The following LRCH2 variants were observed in gnomAD, a reference collection of about 807,000 sequenced individuals.
LRCH2 encodes the protein leucine rich repeats and calponin homology domain containing 2.
A neutral mutation model predicts 68.9 loss-of-function variants in LRCH2; 38 were observed. That is an observed-to-expected ratio of 0.55 (90% CI 0.43 to 0.72). The LOEUF is 0.72. Ranked by LOEUF, LRCH2 falls within the 30% of genes least tolerant of loss-of-function variation. LRCH2 has a pLI of 0.00. For synonymous variants in LRCH2, 191 were observed against 208.1 expected (o/e 0.92, Z 0.71); for missense variants, 528 against 572.9 (o/e 0.92, Z 0.80).
intron 1 of LRCH2, among the ~76,000 whole-genome samples, chrX:115,204,148 G>T (rs1263703180): frequency 2.7e-5 from 3 of 113,186 alleles, no homozygotes; most frequent in Non-Finnish European, 5.6e-5. Context: ...ATTATGAGCT[G>T]TGCCTTGGCC....
At chrX:115,226,596 C>T (rs2073120818) in intron 1 of LRCH2, among the ~76,000 whole-genome samples, 1 of 110,999 alleles carries the variant, frequency 9.0e-6, no homozygotes, top group Admixed American at 9.6e-5. Flanking sequence ...TGAACAATGA[C>T]ATTGAGAATA....
intron 17 of LRCH2, 128 bp downstream of exon 17, chrX:115,123,817 G>A (rs1262122188): frequency 6.8e-5 from 25 of 365,926 alleles, no homozygotes; most frequent in African/African-American, 5.2e-4. Flanking sequence ...ATATCGTTAA[G>A]AGAAAATTGC....
chrX:115,145,866 G>C (rs1464448405), intron 14 of LRCH2, among the ~76,000 whole-genome samples: 2 of 111,825 alleles, frequency 1.8e-5, no homozygotes, highest in Admixed American at 9.5e-5. Context: ...GAACAATATG[G>C]AGAACAGTTT....
chrX:115,229,585 A>G (rs1478258383), intron 1 of LRCH2, among the ~76,000 whole-genome samples: 2 of 112,430 alleles, frequency 1.8e-5, no homozygotes, highest in Admixed American at 1.9e-4. Flanking sequence ...ATAAATCAGT[A>G]CAAGGTTCAG....
chrX:115,147,588 ATAAC>A (rs1303229477), intron 14 of LRCH2, among the ~76,000 whole-genome samples: 1 of 111,540 alleles, frequency 9.0e-6, no homozygotes, highest in African/African-American at 3.2e-5. Context: ...ACTTTATAAC[ATAAC>A]TAATATTATA....
At chrX:115,230,963 AC>A (rs1556578245) in intron 1 of LRCH2, among the ~76,000 whole-genome samples, 1 of 110,890 alleles carries the variant, frequency 9.0e-6, no homozygotes, top group African/African-American at 3.3e-5. Context: ...GAAAAAACAA[AC>A]AAAAAATCTC....
chrX:115,166,486 T>A, intron 6 of LRCH2, 144 bp from the exon 7 acceptor site: 2 of 429,213 alleles, frequency 4.7e-6, no homozygotes, highest in South Asian at 4.0e-5. Flanking sequence ...GAGAAAAATA[T>A]CAGAACTCTT....
intron 14 of LRCH2, among the ~76,000 whole-genome samples, chrX:115,143,931 T>C (rs5987857): frequency 0.1 from 11,602 of 111,097 alleles, 459 homozygotes; most frequent in African/African-American, 0.12. Flanking sequence ...AATCCAACAT[T>C]CCTTCATGAT....
intron 20 of LRCH2, among the ~76,000 whole-genome samples, chrX:115,120,432 A>C (rs1158642306): frequency 5.7e-5 from 5 of 87,342 alleles, no homozygotes; most frequent in East Asian, 3.6e-4. Flanking sequence ...GTTCATCATC[A>C]CTGGCCATCA....
At chrX:115,125,576 CACACACATATATAT>C (rs2072187798) in intron 16 of LRCH2, among the ~76,000 whole-genome samples, 1 of 22,957 alleles carries the variant, frequency 4.4e-5, no homozygotes, top group African/African-American at 2.2e-4. Flanking sequence ...TATATATACA[CACACACATATATAT>C]ATACACATAT....
At chrX:115,129,568 A>G (rs1556529174) in intron 15 of LRCH2, among the ~76,000 whole-genome samples, 1 of 110,958 alleles carries the variant, frequency 9.0e-6, no homozygotes, top group Non-Finnish European at 1.9e-5. Context: ...GTGTGATTCT[A>G]TTTCCTAAAA....
chrX:115,196,617 T>C (rs1556563397), intron 1 of LRCH2, among the ~76,000 whole-genome samples: 1 of 111,033 alleles, frequency 9.0e-6, no homozygotes, highest in African/African-American at 3.3e-5. Flanking sequence ...GCTTCTACAG[T>C]CTCAGCTGGC....
At chrX:115,121,188 A>G (rs1380507762) in intron 20 of LRCH2, among the ~76,000 whole-genome samples, 2 of 110,106 alleles carry the variant, frequency 1.8e-5, no homozygotes, top group Non-Finnish European at 3.8e-5. Flanking sequence ...TAAATAAATA[A>G]ATAAATAAAT....
In LRCH2 at chrX:115,133,722, C is replaced by T. The variant is rs2072265396; in HGVS notation, c.1696-3523G>A. On this transcript the variant is annotated intron_variant, in intron 14 of 20. Coordinates refer to ENST00000317135, the MANE Select transcript of LRCH2 (RefSeq NM_020871.4). Reference sequence around the variant, plus strand: ...CTCAAACGACGCCCATATAAGAAAGCGAACTTAATCGATCAATGTTGCATG... The same window carrying T: ...CTCAAACGACGCCCATATAAGAAAGTGAACTTAATCGATCAATGTTGCATG... Among the ~76,000 whole-genome samples the T allele has an allele frequency of 5.4e-5, 6 of 111,427 alleles. No individual in the cohort carries two copies. In the Admixed American group the frequency reaches 5.8e-4, roughly 11 times the overall value.
At chrX:115,147,883 C>G (rs1269653205) in intron 14 of LRCH2, among the ~76,000 whole-genome samples, 3 of 110,435 alleles carry the variant, frequency 2.7e-5, no homozygotes, top group African/African-American at 9.9e-5. Flanking sequence ...AAGATCTCAC[C>G]TCTACAAAAA....
intron 1 of LRCH2, chrX:115,191,244 C>T: frequency 8.7e-7 from 1 of 1,153,924 alleles, no homozygotes; most frequent in Non-Finnish European, 1.2e-6. Flanking sequence ...CCCTCGATGC[C>T]AACAGTGGAG....
chrX:115,181,446 T>C (rs1036607355), intron 3 of LRCH2, among the ~76,000 whole-genome samples: 7 of 112,668 alleles, frequency 6.2e-5, no homozygotes, highest in Admixed American at 9.4e-5. Flanking sequence ...GATTTCCATA[T>C]GGAAAATCCA....
At chrX:115,141,449 T>A (rs782103465) in intron 14 of LRCH2, among the ~76,000 whole-genome samples, 1 of 110,293 alleles carries the variant, frequency 9.1e-6, no homozygotes, top group Non-Finnish European at 1.9e-5. Flanking sequence ...AGGTCATAGG[T>A]AGGTAAGAGA....
intron 20 of LRCH2, among the ~76,000 whole-genome samples, chrX:115,118,189 G>C (rs1176984867): frequency 1.8e-5 from 2 of 109,763 alleles, no homozygotes; most frequent in African/African-American, 3.3e-5. Flanking sequence ...TCTAAAAAAA[G>C]GGTTTTTTTT....
Sources: gnomAD v4.1 joint callset for allele counts (sites outside exome capture counted in the v4.1 genomes callset) on GRCh38, gnomAD v4.1.1 for gene constraint, MANE v1.5 for transcripts, NCBI Gene and HGNC (gene_info 2026-07-23, HGNC 2026-07-21) for gene names.